The following FILIP1 variants were observed in gnomAD, a reference collection of about 807,000 sequenced individuals.
FILIP1 encodes filamin A interacting protein 1.
In FILIP1, 61 loss-of-function variants were observed where a neutral mutation model predicts 102.1. The observed-to-expected ratio is 0.60, with a 90% confidence interval of 0.49 to 0.74. The LOEUF is 0.74. Ranked by LOEUF, FILIP1 falls within the 30% of genes least tolerant of loss-of-function variation. The pLI, the probability that FILIP1 is intolerant of heterozygous loss-of-function variation, is 0.00. For missense variants in FILIP1, 1,314 were observed against 1,441.2 expected (o/e 0.91, Z 1.43); for synonymous variants, 491 against 526.9 (o/e 0.93, Z 0.93).
chr6:75,450,259 T>G (rs369471931), intron 1 of FILIP1, among the ~76,000 whole-genome samples: 69 of 152,284 alleles, frequency 4.5e-4, no homozygotes, highest in African/African-American at 1.6e-3. Flanking sequence ...ATTATAGGCA[T>G]GAGCCACCAT....
chr6:75,370,621 G>A (rs1333979338), intron 2 of FILIP1, among the ~76,000 whole-genome samples: 1 of 133,452 alleles, frequency 7.5e-6, no homozygotes, highest in African/African-American at 3.0e-5. Context: ...TTGTCGCCCA[G>A]GCTGGAATGC....
intron 4 of FILIP1, among the ~76,000 whole-genome samples, chr6:75,338,575 A>T (rs1225848833): frequency 1.3e-5 from 2 of 152,190 alleles, no homozygotes; most frequent in African/African-American, 2.4e-5. Flanking sequence ...TACGAAAACA[A>T]TGTAGTTATT....
intron 1 of FILIP1, among the ~76,000 whole-genome samples, chr6:75,440,076 G>T (rs1467585087): frequency 6.6e-6 from 1 of 152,118 alleles, no homozygotes; most frequent in African/African-American, 2.4e-5. Flanking sequence ...GTAAAAACAT[G>T]TAATAATTGC....
chr6:75,341,737 T>C (rs1774426059), intron 4 of FILIP1, among the ~76,000 whole-genome samples: 1 of 152,212 alleles, frequency 6.6e-6, no homozygotes, highest in South Asian at 2.1e-4. Context: ...TCTCTAATTG[T>C]TTGCAGCAGG....
chr6:75,357,592 T>A (rs1247258070), intron 3 of FILIP1, among the ~76,000 whole-genome samples: 1 of 152,212 alleles, frequency 6.6e-6, no homozygotes, highest in Non-Finnish European at 1.5e-5. Context: ...GAGGCATTGG[T>A]GTATGTAATG....
At chr6:75,446,754 T>C (rs1778454521) in intron 1 of FILIP1, among the ~76,000 whole-genome samples, 1 of 152,166 alleles carries the variant, frequency 6.6e-6, no homozygotes, top group Non-Finnish European at 1.5e-5. Context: ...GACTCTTTCA[T>C]TACATCTGAG....
At chr6:75,340,506 T>C (rs1774384708) in intron 4 of FILIP1, among the ~76,000 whole-genome samples, 1 of 152,228 alleles carries the variant, frequency 6.6e-6, no homozygotes, top group Non-Finnish European at 1.5e-5. Flanking sequence ...CTTTAAAATG[T>C]ATTACGTTTT....
In FILIP1 at chr6:75,314,715, T is replaced by G. The variant is rs768162714; in HGVS notation, c.1117A>C (p.Asn373His). ...RDKIAKGECG[N>H]SSLMAEVENL... The stretch of plus-strand genomic sequence containing the variant: ...TCCACTTCTGCCATGAGGCTAGAGT[T>G]TCCACATTCTCCTTTGGCAATTTTA... Residue 373 changes from asparagine to histidine, a missense_variant, in exon 5 of 6, where the codon AAC (asparagine) becomes CAC (histidine). Around this residue, in one of 3 missense-constraint regions of FILIP1, gnomAD observed 494 missense variants for 511.2 expected, o/e 0.97. Transcript: ENST00000237172. The G allele has an allele frequency of 6.2e-7, 1 of 1,614,204 alleles. No individual in the cohort carries two copies.
At chr6:75,346,038 T>A (rs560204716) in intron 4 of FILIP1, among the ~76,000 whole-genome samples, 2 of 152,186 alleles carry the variant, frequency 1.3e-5, no homozygotes, top group Non-Finnish European at 2.9e-5. Flanking sequence ...ATCCTTACCA[T>A]TTTTATCTGT....
intron 4 of FILIP1, among the ~76,000 whole-genome samples, chr6:75,326,095 T>TAGATAGATTAGATAGA (rs1554200298): frequency 2.1e-5 from 3 of 144,830 alleles, no homozygotes; most frequent in African/African-American, 5.1e-5. Context: ...GATAGATAGA[T>TAGATAGATTAGATAGA]TAGATAGATA....
chr6:75,423,041 A>G (rs1777518773), intron 1 of FILIP1, among the ~76,000 whole-genome samples: 1 of 152,284 alleles, frequency 6.6e-6, no homozygotes, highest in African/African-American at 2.4e-5. Context: ...TAGTTCAATA[A>G]GTTTTGCAAA....
At chr6:75,400,955 G>T (rs904891978) in intron 2 of FILIP1, among the ~76,000 whole-genome samples, 1 of 152,024 alleles carries the variant, frequency 6.6e-6, no homozygotes, top group African/African-American at 2.4e-5. Context: ...AGCAAGGATA[G>T]GACTGGAAAT....
At chr6:75,455,871 C>G (rs375485388) in intron 1 of FILIP1, among the ~76,000 whole-genome samples, 17 of 152,302 alleles carry the variant, frequency 1.1e-4, no homozygotes, top group African/African-American at 3.8e-4. Flanking sequence ...AAAATATGTT[C>G]TATTTCTTAA....
chr6:75,450,417 CAA>C (rs2149734221), intron 1 of FILIP1, among the ~76,000 whole-genome samples: 1 of 152,170 alleles, frequency 6.6e-6, no homozygotes, highest in African/African-American at 2.4e-5. Context: ...GAGGCCAAGA[CAA>C]GAGGATTACT....
chr6:75,325,325 G>C (rs1406406758), intron 4 of FILIP1, among the ~76,000 whole-genome samples: 1 of 152,198 alleles, frequency 6.6e-6, no homozygotes, highest in African/African-American at 2.4e-5. Context: ...GGGTGGCTGA[G>C]GCAGGAGAAT....
intron 4 of FILIP1, among the ~76,000 whole-genome samples, chr6:75,317,461 G>A (rs538188618): frequency 3.3e-5 from 5 of 152,270 alleles, no homozygotes; most frequent in African/African-American, 9.6e-5. Flanking sequence ...AAGAACTATT[G>A]TATATGCTAT....
chr6:75,396,079 C>T (rs1033021101), intron 2 of FILIP1, among the ~76,000 whole-genome samples: 14 of 150,536 alleles, frequency 9.3e-5, no homozygotes, highest in African/African-American at 3.5e-4. Flanking sequence ...ATTTCCATAA[C>T]ACATAATGAA....
At chr6:75,405,626 T>C (rs922518286) in intron 2 of FILIP1, among the ~76,000 whole-genome samples, 3 of 152,132 alleles carry the variant, frequency 2.0e-5, no homozygotes, top group Non-Finnish European at 4.4e-5. Flanking sequence ...GATAGAGCAA[T>C]GGTGAGTGCA....
intron 1 of FILIP1, among the ~76,000 whole-genome samples, chr6:75,434,289 A>G (rs1361403166): frequency 6.6e-6 from 1 of 152,166 alleles, no homozygotes; most frequent in Non-Finnish European, 1.5e-5. Context: ...CAGTATGGCC[A>G]TTTTCAAAAT....
Sources: gnomAD v4.1 joint callset for allele counts (sites outside exome capture counted in the v4.1 genomes callset) on GRCh38, gnomAD v4.1.1 for gene constraint, gnomAD v4.1.1 regional missense constraint, MANE v1.5 for transcripts, NCBI Gene and HGNC (gene_info 2026-07-23, HGNC 2026-07-21) for gene names.